SATL1: variants seen among roughly 807,000 people sequenced by gnomAD.
SATL1 encodes the protein spermidine/spermine N(1)-acetyltransferase-like protein 1.
SATL1 carries 47 observed loss-of-function variants against 51.8 expected under a neutral mutation model. That is an observed-to-expected ratio of 0.91 (90% confidence interval 0.72 to 1.16). The LOEUF (loss-of-function observed/expected upper bound fraction) is 1.16. SATL1 is among the 50% of genes most tolerant of loss of function. The probability of loss-of-function intolerance (pLI) is 0.00; values close to 1 mark genes in which losing one functional copy is unlikely to be tolerated. For synonymous variants in SATL1, 176 were observed against 182.4 expected (o/e 0.97, Z 0.28); for missense variants, 520 against 526.4 (o/e 0.99, Z 0.12).
At chrX:85,138,196 G>A (rs1377398489) in intron 2 of SATL1, among the ~76,000 whole-genome samples, 1 of 112,182 alleles carries the variant, frequency 8.9e-6, no homozygotes, top group Non-Finnish European at 1.9e-5. Context: ...CTGCCTTTTG[G>A]CATGCTTTGT....
intron 2 of SATL1, among the ~76,000 whole-genome samples, chrX:85,144,885 A>C (rs1926192803): frequency 9.1e-6 from 1 of 110,307 alleles, no homozygotes; most frequent in Admixed American, 9.7e-5. Context: ...TAATAAAAAT[A>C]AAAGAGCCAA....
intron 2 of SATL1, among the ~76,000 whole-genome samples, chrX:85,128,104 C>T (rs186543852): frequency 8.9e-6 from 1 of 111,814 alleles, no homozygotes; most frequent in East Asian, 2.8e-4. Flanking sequence ...CCACAATAAA[C>T]ATATGTGTGC....
intron 2 of SATL1, among the ~76,000 whole-genome samples, chrX:85,221,160 C>T: frequency 9.0e-6 from 1 of 111,714 alleles, no homozygotes; most frequent in Non-Finnish European, 1.9e-5. Context: ...GATCACAAGG[C>T]ACTCTAAGAC....
intron 4 of SATL1, among the ~76,000 whole-genome samples, chrX:85,099,272 A>G (rs1407217790): frequency 9.0e-6 from 1 of 111,510 alleles, no homozygotes; most frequent in Non-Finnish European, 1.9e-5. Flanking sequence ...AGATCTCCCA[A>G]CAAAAAAAAG....
chrX:85,191,589 G>C (rs1021017368), intron 2 of SATL1, among the ~76,000 whole-genome samples: 1 of 111,563 alleles, frequency 9.0e-6, no homozygotes, highest in Non-Finnish European at 1.9e-5. Context: ...AAGCCTTACT[G>C]ATAACATAAA....
chrX:85,194,860 C>A (rs1927518496), intron 2 of SATL1, among the ~76,000 whole-genome samples: 1 of 73,102 alleles, frequency 1.4e-5, no homozygotes, highest in Non-Finnish European at 2.4e-5. Context: ...ACATCACACA[C>A]TGGGGTCTAT....
chrX:85,113,991 A>G (rs988317559), intron 2 of SATL1, among the ~76,000 whole-genome samples: 5 of 112,121 alleles, frequency 4.5e-5, no homozygotes, highest in Non-Finnish European at 9.4e-5. Context: ...GGTTTTCACA[A>G]GAGACTTTTA....
intron 2 of SATL1, among the ~76,000 whole-genome samples, chrX:85,190,015 G>T (rs1927401755): frequency 9.0e-6 from 1 of 111,707 alleles, no homozygotes; most frequent in African/African-American, 3.2e-5. Context: ...TTCTCAGTCT[G>T]TACAGTTATT....
At chrX:85,191,814 G>C (rs1476894134) in intron 2 of SATL1, among the ~76,000 whole-genome samples, 3 of 111,635 alleles carry the variant, frequency 2.7e-5, no homozygotes, top group Admixed American at 9.6e-5. Flanking sequence ...TGGTCTTGCT[G>C]TCTCAGAGAT....
intron 1 of SATL1, among the ~76,000 whole-genome samples, chrX:85,233,613 A>G (rs754490776): frequency 8.9e-6 from 1 of 112,432 alleles, no homozygotes; most frequent in Admixed American, 9.4e-5. Context: ...AGAACGAAGC[A>G]GAAGCTCTGG....
intron 2 of SATL1, among the ~76,000 whole-genome samples, chrX:85,176,891 T>C (rs73511657): frequency 0.046 from 5,106 of 111,365 alleles, 320 homozygotes; most frequent in African/African-American, 0.16. Flanking sequence ...ACCTTAACTA[T>C]GTAAACCAAG....
chrX:85,230,199 A>G (rs1199810795), intron 1 of SATL1, among the ~76,000 whole-genome samples: 1 of 111,899 alleles, frequency 8.9e-6, no homozygotes, highest in East Asian at 2.8e-4. Context: ...AATAAAAACA[A>G]TATGCACTGG....
intron 2 of SATL1, among the ~76,000 whole-genome samples, chrX:85,194,508 C>A (rs1927509068): frequency 9.0e-6 from 1 of 110,607 alleles, no homozygotes; most frequent in African/African-American, 3.3e-5. Context: ...AAGGGGTGCC[C>A]AGAATACAGT....
rs769398793 is a variant in SATL1 at position 85,107,517 on chromosome X, C to T, written c.1452G>A (p.Pro484=). 2.6e-5 allele frequency: 32 copies of T among 1,210,217 alleles called. No homozygotes were observed. Among genetic ancestry groups the T allele is most frequent in the Admixed American group, 6.5e-5 (3 of 45,857 alleles). The change falls in exon 3 of 8, where the codon CCG becomes CCA. Residue 484 remains proline (P), a synonymous_variant. Coordinates refer to ENST00000644105, the MANE Select transcript of SATL1 (RefSeq NM_001367857.2). ...GGCTCAGGCCTGGCTGACTCGGCCC[C>T]GGTTCCCATATGCCTGGTTGGCCCC... The part of the protein sequence containing the change: ...PGRGQPGIWE[P]GPSQPGLSQQ...
At position 85,228,063 on chromosome X, in the gene SATL1, G is replaced by A. The variant is rs574221809; in HGVS notation, c.-434-3737C>T. Among the ~76,000 whole-genome samples the A allele has an allele frequency of 2.7e-5, 3 of 111,077 alleles. No individual in the cohort carries two copies. The South Asian group carries it at 1.1e-3, about 42-fold the overall frequency. On this transcript the variant is annotated intron_variant, in intron 1 of 7. Transcript: ENST00000644105. ...GATAATTGTTAAAGTTGGGTGATGA[G>A]AGCATGGACGTTCATTAATCTATTA...
At chrX:85,144,430 C>T (rs919328087) in intron 2 of SATL1, among the ~76,000 whole-genome samples, 11 of 111,534 alleles carry the variant, frequency 9.9e-5, no homozygotes, top group African/African-American at 3.3e-4. Flanking sequence ...TTGCCTATCA[C>T]CTCCATCCCC....
At chrX:85,132,356 C>G (rs1925828917) in intron 2 of SATL1, among the ~76,000 whole-genome samples, 1 of 109,684 alleles carries the variant, frequency 9.1e-6, no homozygotes, top group African/African-American at 3.3e-5. Context: ...TCTTTTTACT[C>G]TTTTTTTTTC....
At chrX:85,239,295 G>C (rs1413795771) in intron 1 of SATL1, among the ~76,000 whole-genome samples, 6 of 111,217 alleles carry the variant, frequency 5.4e-5, no homozygotes, top group Non-Finnish European at 1.1e-4. Flanking sequence ...AACTGAAAAT[G>C]TTTGGTACAA....
chrX:85,159,237 A>G (rs1313061947), intron 2 of SATL1, among the ~76,000 whole-genome samples: 1 of 111,916 alleles, frequency 8.9e-6, no homozygotes, highest in African/African-American at 3.2e-5. Flanking sequence ...TCACTATGTC[A>G]TATCACTTAT....
Sources: gnomAD v4.1 joint callset for allele counts (sites outside exome capture counted in the v4.1 genomes callset) on GRCh38, gnomAD v4.1.1 for gene constraint, MANE v1.5 for transcripts, NCBI Gene and HGNC (gene_info 2026-07-23, HGNC 2026-07-21) for gene names.